The following CNTNAP3B variants were observed in gnomAD, a reference collection of about 807,000 sequenced individuals.
CNTNAP3B encodes the protein contactin-associated protein-like 3B.
A neutral mutation model predicts 108.9 loss-of-function variants in CNTNAP3B; 25 were observed. The observed-to-expected ratio is 0.23, with a 90% confidence interval of 0.17 to 0.32. The LOEUF (loss-of-function observed/expected upper bound fraction) is 0.32. CNTNAP3B is among the 10% of genes least tolerant of loss of function. The pLI, the probability that CNTNAP3B is intolerant of heterozygous loss-of-function variation, is 1.00. For synonymous variants in CNTNAP3B, 103 were observed against 473.4 expected, an observed-to-expected ratio of 0.22 and a Z score of 10.16; for missense variants, 252 against 1,210.4, an observed-to-expected ratio of 0.21 and a Z score of 11.75.
chr9:41,929,331 A>G lies in CNTNAP3B; in HGVS notation c.2351T>C (p.Leu784Pro), dbSNP rs756718031. 4 of 1,542,200 alleles carry G rather than the reference A, an allele frequency of 2.6e-6. 1 individual carries two copies. The highest frequency in any genetic ancestry group is 2.3e-5 in the South Asian group (2 of 85,172). ...ACACTACTTACTATCTCCGCGGCAG[A>G]GCAGTGGCCCCAGTGTATAATCTGC... Reference protein sequence around the residue: ...SEADYTLGPLLCRGDKSFWNS... With the variant: ...SEADYTLGPLPCRGDKSFWNS... Residue 784 changes from leucine (L) to proline (P), a missense_variant, in exon 15 of 24, where the codon CTC (leucine) becomes CCC (proline). Physicochemically the swap from Leu to Pro is moderately conservative, Grantham distance 98. Coordinates refer to ENST00000377561, the MANE Select transcript of CNTNAP3B (RefSeq NM_001201380.3).
chr9:41,954,774 C>G (rs1824804273), intron 12 of CNTNAP3B, among the ~76,000 whole-genome samples: 1 of 152,268 alleles, frequency 6.6e-6, no homozygotes, highest in Admixed American at 6.5e-5. Context: ...GCCTCTGCCT[C>G]CTGGGTTCAA....
At chr9:41,934,198 T>TATATATAC (rs1418666527) in intron 14 of CNTNAP3B, among the ~76,000 whole-genome samples, 1,585 of 115,232 alleles carry the variant, frequency 0.014, 5 homozygotes, top group African/African-American at 0.045. Context: ...CATATATATA[T>TATATATAC]ACATACACAC....
intron 2 of CNTNAP3B, among the ~76,000 whole-genome samples, 192 bp downstream of exon 2, chr9:42,104,437 C>G: frequency 9.1e-6 from 1 of 109,896 alleles, no homozygotes; most frequent in South Asian, 3.4e-4. Context: ...AAGGGAAACC[C>G]AGCAGGACAA....
At chr9:42,103,335 G>A (rs1343245794) in intron 2 of CNTNAP3B, among the ~76,000 whole-genome samples, 2 of 147,860 alleles carry the variant, frequency 1.4e-5, no homozygotes, top group East Asian at 3.9e-4. Context: ...TATAACAAAT[G>A]CCAGAACATA....
chr9:41,939,713 A>G (rs1207737132), intron 13 of CNTNAP3B, among the ~76,000 whole-genome samples: 1 of 152,290 alleles, frequency 6.6e-6, no homozygotes, highest in African/African-American at 2.4e-5. Flanking sequence ...TTATATCCTA[A>G]TGTACAAGTG....
In CNTNAP3B at chr9:42,129,136, G is replaced by A. The variant is rs758927482; in HGVS notation, c.-42C>T. On this transcript the variant is annotated 5_prime_UTR_variant, in exon 1 of 24. Transcript: ENST00000377561. Reference sequence around the variant, plus strand: ...CGCCCTGAGACCCGGGCACGGCGACGGCCGCTCTGCGTCGTTCCTGCTCTC... The same window carrying A: ...CGCCCTGAGACCCGGGCACGGCGACAGCCGCTCTGCGTCGTTCCTGCTCTC... 4.6e-6 allele frequency: 7 copies of A among 1,526,894 alleles called. No homozygotes were observed. Among genetic ancestry groups the A allele is most frequent in the Admixed American group, 1.8e-5 (1 of 55,042 alleles). 94.6% of individuals were successfully genotyped at this position (1,526,894 alleles called of 1,614,324 possible).
intron 10 of CNTNAP3B, among the ~76,000 whole-genome samples, chr9:41,966,271 T>C (rs1825271320): frequency 6.6e-6 from 1 of 152,292 alleles, no homozygotes; most frequent in Non-Finnish European, 1.5e-5. Context: ...TTAAAAAACA[T>C]TAAAAACCAC....
Position 42,071,406 on chromosome 9 carries a change from T to G in CNTNAP3B, c.390+5463A>C, listed in dbSNP as rs1415740922. Among the ~76,000 whole-genome samples, 10 of 138,134 alleles carry G rather than the reference T, an allele frequency of 7.2e-5. 1 individual carries two copies. The highest frequency in any genetic ancestry group is 3.6e-4 in the Admixed American group (5 of 13,836). The allele number at this position is 138,134 out of a possible 152,430, so 90.6% of individuals were successfully genotyped here. On this transcript the variant is annotated intron_variant, in intron 3 of 23. Coordinates refer to ENST00000377561, the MANE Select transcript of CNTNAP3B (RefSeq NM_001201380.3). ...CAAAGGATGGATCTTGCTTGACATTTTTAAAGAGCAGCTAGAAGAACAACA... is the reference window on the plus strand; with the variant it reads ...CAAAGGATGGATCTTGCTTGACATTGTTAAAGAGCAGCTAGAAGAACAACA...
rs1823969569 is a variant in CNTNAP3B at position 41,931,234 on chromosome 9, TG to T, written c.2238-1791del. Among the ~76,000 whole-genome samples the T allele has an allele frequency of 3.9e-5, 6 of 152,280 alleles. No individual in the cohort carries two copies. The South Asian group carries it at 1.2e-3, about 32-fold the overall frequency. On this transcript the variant is annotated intron_variant, in intron 14 of 23. Transcript: ENST00000377561. ...GTTGTACATATACTGGGGGCACATG[TG>T]CTATTTTGATACTAGAATACAATGC...
intron 14 of CNTNAP3B, among the ~76,000 whole-genome samples, chr9:41,937,117 A>T (rs1274541727): frequency 6.9e-6 from 1 of 145,746 alleles, no homozygotes; most frequent in East Asian, 2.0e-4. Context: ...TTATTAATTT[A>T]TTATTATTAT....
At chr9:41,921,319 T>C (rs1359266726) in intron 17 of CNTNAP3B, among the ~76,000 whole-genome samples, 8 of 152,382 alleles carry the variant, frequency 5.2e-5, no homozygotes, top group East Asian at 1.9e-4. Flanking sequence ...AGTTTGATGG[T>C]TTCATGTCCT....
chr9:42,001,281 G>A (rs964874995), intron 4 of CNTNAP3B, among the ~76,000 whole-genome samples: 5 of 100,318 alleles, frequency 5.0e-5, no homozygotes, highest in Non-Finnish European at 5.9e-5. Context: ...AAGACTGGTC[G>A]CACTTGCTTA....
intron 12 of CNTNAP3B, among the ~76,000 whole-genome samples, chr9:41,955,722 G>T (rs538898426): frequency 6.6e-6 from 1 of 152,302 alleles, no homozygotes; most frequent in Admixed American, 6.5e-5. Flanking sequence ...ACTGGAGGCT[G>T]TCTCACTAGC....
chr9:42,075,655 G>A (rs1350398549), intron 3 of CNTNAP3B, among the ~76,000 whole-genome samples: 1 of 126,224 alleles, frequency 7.9e-6, no homozygotes, highest in Non-Finnish European at 1.7e-5. Context: ...TGTCATTGAC[G>A]TATTTTTTTT....
At chr9:42,110,306 TC>T (rs1828169773) in intron 1 of CNTNAP3B, among the ~76,000 whole-genome samples, 2 of 136,828 alleles carry the variant, frequency 1.5e-5, no homozygotes, top group Admixed American at 7.4e-5. Flanking sequence ...GCTGTGGCTC[TC>T]CCCATGCTTG....
At chr9:42,103,319 A>G (rs1289204492) in intron 2 of CNTNAP3B, among the ~76,000 whole-genome samples, 4 of 148,842 alleles carry the variant, frequency 2.7e-5, no homozygotes, top group African/African-American at 5.2e-5. Flanking sequence ...TCATAGCCAT[A>G]CTGCCTATAA....
intron 11 of CNTNAP3B, among the ~76,000 whole-genome samples, chr9:41,962,067 C>T (rs1825112925): frequency 6.6e-6 from 1 of 152,240 alleles, no homozygotes; most frequent in Non-Finnish European, 1.5e-5. Flanking sequence ...TTTATGTGAA[C>T]TGTTTGGCTT....
rs992477671 is a variant in CNTNAP3B, at chr9:42,115,483, G to A, written c.86-10744C>T. Among the ~76,000 whole-genome samples the A allele has an allele frequency of 4.3e-5, 6 of 139,518 alleles. 1 individual carries two copies. The highest frequency in any genetic ancestry group is 4.6e-4 in the South Asian group (2 of 4,310). 91.5% of individuals were successfully genotyped at this position (139,518 alleles called of 152,430 possible). A position where few individuals can be genotyped will look rare whatever the true frequency, so the allele number is the denominator to read the frequency against. On this transcript the variant is annotated intron_variant, in intron 1 of 23. Coordinates refer to ENST00000377561, the MANE Select transcript of CNTNAP3B (RefSeq NM_001201380.3). ...CTCCCAGTAGGGGCTGACTGACACC[G>A]CATACAGCCAGGTGCCCCTCTGAGA...
At chr9:41,963,105 C>T (rs1464144194) in intron 11 of CNTNAP3B, among the ~76,000 whole-genome samples, 2 of 152,288 alleles carry the variant, frequency 1.3e-5, no homozygotes, top group Non-Finnish European at 2.9e-5. Flanking sequence ...TTTACAGAAC[C>T]TCAGGACTGG....
Sources: allele counts gnomAD v4.1 joint callset (sites outside exome capture counted in the v4.1 genomes callset), GRCh38; gene constraint gnomAD v4.1.1; transcripts MANE v1.5; gene names NCBI Gene and HGNC (gene_info 2026-07-23, HGNC 2026-07-21).